DOCK8: variants seen among roughly 807,000 people sequenced by gnomAD.
DOCK8 encodes dedicator of cytokinesis protein 8.
DOCK8 carries 141 observed loss-of-function variants against 245.6 expected under a neutral mutation model. The ratio of observed to expected loss-of-function variants is 0.57; its 90% CI spans 0.50 to 0.66. The LOEUF (loss-of-function observed/expected upper bound fraction) is 0.66. Ranked by LOEUF, DOCK8 falls within the 30% of genes least tolerant of loss-of-function variation. DOCK8 has a pLI of 0.00. For missense variants in DOCK8, 2,965 were observed against 2,603.4 expected, an observed-to-expected ratio of 1.14 and a Z score of -3.02; for synonymous variants, 1,168 against 970.2, an observed-to-expected ratio of 1.20 and a Z score of -3.79.
intron 22 of DOCK8, among the ~76,000 whole-genome samples, chr9:383,581 T>A (rs1174890772): frequency 1.3e-5 from 2 of 151,854 alleles, no homozygotes; most frequent in Non-Finnish European, 2.9e-5. Flanking sequence ...GTCCCTGTAA[T>A]TCTAGCTACT....
chr9:393,034 C>T (rs1167028732), intron 24 of DOCK8, among the ~76,000 whole-genome samples: 1 of 131,854 alleles, frequency 7.6e-6, no homozygotes, highest in South Asian at 2.4e-4. Context: ...TGCAGTGAGC[C>T]TTGATCATGC....
intron 14 of DOCK8, chr9:366,645 G>C (rs1355761481): frequency 6.6e-6 from 1 of 152,226 alleles, no homozygotes; most frequent in Non-Finnish European, 1.5e-5. Context: ...AAGGAGTTCT[G>C]AGGTCAAAAC....
chr9:248,335 C>G (rs534039057), intron 1 of DOCK8, among the ~76,000 whole-genome samples: 17 of 152,220 alleles, frequency 1.1e-4, no homozygotes, highest in Non-Finnish European at 2.2e-4. Flanking sequence ...TAAGGCCTGA[C>G]TCATTACCAA....
At chr9:278,669 G>T (rs1210645968) in intron 2 of DOCK8, among the ~76,000 whole-genome samples, 1 of 152,130 alleles carries the variant, frequency 6.6e-6, no homozygotes, top group African/African-American at 2.4e-5. Context: ...TGAACTTGAC[G>T]GACATCTGAA....
chr9:449,563 G>C (rs554939664), intron 44 of DOCK8, among the ~76,000 whole-genome samples: 1 of 152,294 alleles, frequency 6.6e-6, no homozygotes, highest in African/African-American at 2.4e-5. Context: ...GTTGTTGAGA[G>C]GAATAAATGC....
At chr9:306,794 G>T (rs1231631119) in intron 5 of DOCK8, among the ~76,000 whole-genome samples, 1 of 152,174 alleles carries the variant, frequency 6.6e-6, no homozygotes, top group Non-Finnish European at 1.5e-5. Flanking sequence ...ACAATTTGAG[G>T]ACTGCAGGTC....
At chr9:406,837 G>T in intron 27 of DOCK8, 93 bp from the exon 28 acceptor site, 2 of 1,568,212 alleles carry the variant, frequency 1.3e-6, no homozygotes, top group Non-Finnish European at 1.8e-6. Context: ...GGCTCACGAA[G>T]CCTGGCTGGG....
intron 20 of DOCK8, 94 bp from the exon 21 acceptor site, chr9:379,677 G>A: frequency 7.1e-7 from 1 of 1,401,166 alleles, no homozygotes; most frequent in Non-Finnish European, 1.0e-6. Flanking sequence ...TTGGTCAGCG[G>A]TCAGGACTCA....
chr9:346,779 G>A (rs1051959215), intron 14 of DOCK8, among the ~76,000 whole-genome samples: 1 of 152,028 alleles, frequency 6.6e-6, no homozygotes, highest in African/African-American at 2.4e-5. Flanking sequence ...CTTCTGCGGG[G>A]GAAAAGGAAT....
At chr9:434,649 A>G in intron 38 of DOCK8, 134 bp from the exon 39 acceptor site, 1 of 882,142 alleles carries the variant, frequency 1.1e-6, no homozygotes, top group Non-Finnish European at 1.8e-6. Context: ...TTTTCTGGAA[A>G]TATAGGGCAA....
At chr9:271,457 A>G (rs1045889443) in intron 1 of DOCK8, among the ~76,000 whole-genome samples, 170 bp from the exon 2 acceptor site, 4 of 152,160 alleles carry the variant, frequency 2.6e-5, no homozygotes, top group African/African-American at 9.7e-5. Context: ...GTATTATCTG[A>G]CAAAAACTAC....
At chr9:333,998 C>G (rs2051182019) in intron 10 of DOCK8, among the ~76,000 whole-genome samples, 3 of 152,118 alleles carry the variant, frequency 2.0e-5, no homozygotes, top group Admixed American at 6.5e-5. Context: ...TTAAATGTAG[C>G]CTTTTTGTAA....
intron 2 of DOCK8, among the ~76,000 whole-genome samples, chr9:274,345 A>C (rs1200162133): frequency 6.6e-6 from 1 of 152,172 alleles, no homozygotes. Context: ...TATTACTCCC[A>C]GTTATTCCGC....
intron 36 of DOCK8, 83 bp from the exon 37 acceptor site, chr9:432,083 G>A (rs1246573051): frequency 2.8e-6 from 4 of 1,448,982 alleles, no homozygotes; most frequent in Admixed American, 1.8e-5. Flanking sequence ...GGAGTTGTTT[G>A]TGTCTGGCCA....
chr9:259,056 C>A (rs1352267990), intron 1 of DOCK8, among the ~76,000 whole-genome samples: 2 of 151,698 alleles, frequency 1.3e-5, no homozygotes, highest in Non-Finnish European at 2.9e-5. Context: ...CCTATAATCC[C>A]AGCAATTTGG....
intron 40 of DOCK8, among the ~76,000 whole-genome samples, chr9:439,670 G>A (rs867803186): frequency 2.6e-5 from 4 of 152,164 alleles, no homozygotes; most frequent in Admixed American, 6.5e-5. Flanking sequence ...TATTTAATAG[G>A]GGTGGAACTA....
At chr9:247,179 T>G (rs2047525492) in intron 1 of DOCK8, among the ~76,000 whole-genome samples, 1 of 152,232 alleles carries the variant, frequency 6.6e-6, no homozygotes, top group African/African-American at 2.4e-5. Flanking sequence ...TCTACATAAA[T>G]TGTTATTTAC....
At chr9:282,373 A>T (rs1323704713) in intron 2 of DOCK8, among the ~76,000 whole-genome samples, 1 of 150,150 alleles carries the variant, frequency 6.7e-6, no homozygotes. Context: ...TGTGGCTTTG[A>T]ATTTCAGGGA....
intron 33 of DOCK8, among the ~76,000 whole-genome samples, chr9:425,048 A>G (rs2056428450): frequency 6.6e-6 from 1 of 152,238 alleles, no homozygotes; most frequent in Admixed American, 6.5e-5. Flanking sequence ...AGTAATTTTT[A>G]TATTGCTTAC....
Sources: allele counts gnomAD v4.1 joint callset (sites outside exome capture counted in the v4.1 genomes callset), GRCh38; gene constraint gnomAD v4.1.1; transcripts MANE v1.5; gene names NCBI Gene and HGNC (gene_info 2026-07-23, HGNC 2026-07-21).